FLT3: variants seen among roughly 807,000 people sequenced by gnomAD.
FLT3 encodes the protein fms related receptor tyrosine kinase 3, also known as receptor-type tyrosine-protein kinase FLT3.
A neutral mutation model predicts 126.6 loss-of-function variants in FLT3; 46 were observed. The ratio of observed to expected loss-of-function variants is 0.36; its 90% confidence interval spans 0.29 to 0.46. The LOEUF is 0.46. Ranked by LOEUF, FLT3 falls within the 20% of genes least tolerant of loss-of-function variation. FLT3 has a pLI of 1.00. For synonymous variants in FLT3, 404 were observed against 434.4 expected, an observed-to-expected ratio of 0.93 and a Z score of 0.87; for missense variants, 1,069 against 1,190.3, an observed-to-expected ratio of 0.90 and a Z score of 1.50.
chr13:28,091,423 G>A (rs1407533028), intron 1 of FLT3, among the ~76,000 whole-genome samples: 46 of 149,202 alleles, frequency 3.1e-4, no homozygotes, highest in East Asian at 3.0e-3. Context: ...GGGTTTCACC[G>A]TGTTAGCCAG....
At chr13:28,089,527 C>T (rs1417508205) in intron 1 of FLT3, among the ~76,000 whole-genome samples, 4 of 151,980 alleles carry the variant, frequency 2.6e-5, no homozygotes, top group Non-Finnish European at 4.4e-5. Context: ...TACTCAGCAC[C>T]AGAAAGAAAA....
chr13:28,047,711 C>CAA (rs56745762), intron 9 of FLT3, among the ~76,000 whole-genome samples: 7 of 108,586 alleles, frequency 6.4e-5, no homozygotes, highest in African/African-American at 2.4e-4. Context: ...GACCTCATCT[C>CAA]AAAAAAAAAA....
At chr13:28,037,079 T>C (rs901579228) in intron 10 of FLT3, 106 bp downstream of exon 10, 13 of 451,766 alleles carry the variant, frequency 2.9e-5, no homozygotes, top group Non-Finnish European at 5.1e-5. Flanking sequence ...ACAAAAACAG[T>C]TTTGTAGTAG....
intron 17 of FLT3, 27 bp downstream of exon 17, chr13:28,027,061 T>C: frequency 6.2e-7 from 1 of 1,605,392 alleles, no homozygotes. Context: ...TGATGTGTAA[T>C]TACGAAACCC....
intron 2 of FLT3, chr13:28,068,044 T>C: frequency 1.0e-5 from 1 of 96,818 alleles, no homozygotes. Context: ...ATTTTTGTTT[T>C]TATTATGTTT....
chr13:28,021,475 G>A (rs1566061961), intron 19 of FLT3, among the ~76,000 whole-genome samples: 1 of 152,178 alleles, frequency 6.6e-6, no homozygotes, highest in Non-Finnish European at 1.5e-5. Flanking sequence ...AGATGCGCGA[G>A]CAAGAAGAAT....
At chr13:28,058,961 T>C (rs748925214) in intron 3 of FLT3, among the ~76,000 whole-genome samples, 1 of 152,264 alleles carries the variant, frequency 6.6e-6, no homozygotes, top group Middle Eastern at 3.4e-3. Context: ...GGGCAACATA[T>C]TGAGATGCCT....
intron 1 of FLT3, among the ~76,000 whole-genome samples, chr13:28,094,941 G>GAA (rs1879362425): frequency 6.6e-6 from 1 of 152,184 alleles, no homozygotes; most frequent in African/African-American, 2.4e-5. Context: ...GCCATAGAAA[G>GAA]TATCAACCAA....
chr13:28,033,029 T>C (rs73171849), intron 15 of FLT3, among the ~76,000 whole-genome samples: 2 of 151,930 alleles, frequency 1.3e-5, no homozygotes, highest in Non-Finnish European at 2.9e-5. Context: ...CCCAGTTTTC[T>C]CTCCTACCCA....
chr13:28,065,521 G>T (rs1464818363), intron 2 of FLT3, among the ~76,000 whole-genome samples: 1 of 151,974 alleles, frequency 6.6e-6, no homozygotes, highest in African/African-American at 2.4e-5. Flanking sequence ...GCATGCCTGT[G>T]GTCCTTGCTA....
chr13:28,062,137 C>T (rs1018998488), intron 2 of FLT3, 68 bp from the exon 3 acceptor site: 9 of 1,210,984 alleles, frequency 7.4e-6, no homozygotes, highest in Non-Finnish European at 1.1e-5. Flanking sequence ...TTCTTCACAT[C>T]AAAACTTTAT....
In FLT3 at chr13:28,070,557, G is replaced by C. The variant is rs768002750; in HGVS notation, c.99C>G (p.Ile33Met). Residue 33 changes from isoleucine (I) to methionine (M), a missense_variant, in exon 2 of 24, where the codon ATC (isoleucine) becomes ATG (methionine). Ile to Met is a conservative substitution (Grantham distance 10). Coordinates refer to ENST00000241453, the MANE Select transcript of FLT3 (RefSeq NM_004119.3). ...GTITNQDLPV[I>M]KCVLINHKNN... Reference sequence around the variant, plus strand: ...TCTTATGATTGATTAAAACACACTTGATCACAGGCAGATCTTGATTTGTAA... The same window carrying C: ...TCTTATGATTGATTAAAACACACTTCATCACAGGCAGATCTTGATTTGTAA... The C allele has an allele frequency of 3.7e-6, 6 of 1,601,364 alleles. No individual in the cohort carries two copies. Among genetic ancestry groups the C allele is most frequent in the South Asian group, 3.3e-5 (3 of 90,796 alleles).
At chr13:28,014,150 T>C (rs539609140) in intron 23 of FLT3, among the ~76,000 whole-genome samples, 136 of 152,200 alleles carry the variant, frequency 8.9e-4, no homozygotes, top group African/African-American at 3.3e-3. Flanking sequence ...TGCCCTCCCA[T>C]GGTCCTAGCT....
At chr13:28,008,073 G>A (rs974742858) in intron 23 of FLT3, among the ~76,000 whole-genome samples, 2 of 151,642 alleles carry the variant, frequency 1.3e-5, no homozygotes, top group East Asian at 1.9e-4. Flanking sequence ...GGCTAGGTGC[G>A]GTGGCTCACA....
chr13:28,088,826 C>T (rs1593305300), intron 1 of FLT3, among the ~76,000 whole-genome samples: 2 of 151,966 alleles, frequency 1.3e-5, no homozygotes. Flanking sequence ...CCTGGTGATC[C>T]GCCTGCCTCG....
chr13:28,006,306 T>TTG (rs4002773), intron 23 of FLT3, among the ~76,000 whole-genome samples: 35,433 of 146,820 alleles, frequency 0.24, 4,189 homozygotes, highest in East Asian at 0.36. Context: ...TTCTAGAAAA[T>TTG]TGTGTGTGTG....
rs373109083 is a variant in FLT3 at position 28,035,887 on chromosome 13, G to C, written c.1418+48C>G. The C allele has an allele frequency of 9.1e-6, 13 of 1,435,836 alleles. No homozygotes were observed. In the African/African-American group the frequency reaches 1.7e-4, roughly 19 times the overall value. 88.9% of individuals were successfully genotyped at this position (1,435,836 alleles called of 1,614,324 possible). A position where few individuals can be genotyped will look rare whatever the true frequency, so the allele number is the denominator to read the frequency against. On this transcript the variant is annotated intron_variant, in intron 11 of 23. Coordinates refer to ENST00000241453, the MANE Select transcript of FLT3 (RefSeq NM_004119.3). ...TATTCATGAAAGAGTCAATAGGTCA[G>C]AGAGTTTTATGTTCTTCCATTATAA...
rs1275470574 is a variant in FLT3 at position 28,034,126 on chromosome 13, T to A, written c.1793A>T (p.Glu598Val). 2 of 1,613,954 alleles carry A rather than the reference T, an allele frequency of 1.2e-6. No individual in the cohort carries two copies. Among genetic ancestry groups the A allele is most frequent in the East Asian group, 4.5e-5 (2 of 44,886 alleles). Residue 598 changes from glutamate to valine, a missense_variant, in exon 14 of 24, where the codon GAA becomes GTA. By Grantham distance (121) the Glu-to-Val change is moderately radical. Coordinates refer to ENST00000241453, the MANE Select transcript of FLT3 (RefSeq NM_004119.3). ...TGGAAACTCCCATTTGAGATCATAT[T>A]CATATTCTCTGAAATCAACGTAGAA... is the stretch of plus-strand genomic sequence containing the variant. ...EYFYVDFREY[E>V]YDLKWEFPRE...
chr13:28,011,881 T>C (rs886183421), intron 23 of FLT3, among the ~76,000 whole-genome samples: 1 of 151,986 alleles, frequency 6.6e-6, no homozygotes, highest in Non-Finnish European at 1.5e-5. Flanking sequence ...CACTGCAACA[T>C]CCACCTCCCA....
Sources: allele counts gnomAD v4.1 joint callset (sites outside exome capture counted in the v4.1 genomes callset), GRCh38; gene constraint gnomAD v4.1.1; transcripts MANE v1.5; gene names NCBI Gene and HGNC (gene_info 2026-07-23, HGNC 2026-07-21).